PHF19: variants seen among roughly 807,000 people sequenced by gnomAD.
The protein encoded by PHF19 is polycomb like 3.
PHF19 carries 21 observed loss-of-function variants against 79.8 expected under a neutral mutation model. The ratio of observed to expected loss-of-function variants is 0.26; its 90% confidence interval spans 0.19 to 0.38. The LOEUF (loss-of-function observed/expected upper bound fraction) is 0.38, where lower values mean the gene tolerates loss of function less well. Ranked by LOEUF, PHF19 falls within the 10% of genes least tolerant of loss-of-function variation. PHF19 has a pLI of 1.00. For synonymous variants in PHF19, 273 were observed against 296.3 expected, an observed-to-expected ratio of 0.92 and a Z score of 0.81; for missense variants, 445 against 744.2, an observed-to-expected ratio of 0.60 and a Z score of 4.68.
At chr9:120,873,642 G>A (rs138205788) in intron 3 of PHF19, among the ~76,000 whole-genome samples, 5 of 152,326 alleles carry the variant, frequency 3.3e-5, no homozygotes, top group South Asian at 2.1e-4. Flanking sequence ...CCAGACTGAC[G>A]CAGAGCTTTG....
chr9:120,861,251 C>A lies in PHF19; in HGVS notation c.1219-77G>T. On this transcript the variant is annotated intron_variant, in intron 12 of 14. Coordinates refer to ENST00000373896, the MANE Select transcript of PHF19 (RefSeq NM_015651.3). ...ACCTCCCACACAGGCTGCCTCCTAT[C>A]CAGCCAGGGCCGCTGAGGGCTGGGC... 3.5e-6 allele frequency: 3 copies of A among 851,218 alleles called. No individual in the cohort carries two copies. In the South Asian group the frequency reaches 4.0e-5, roughly 11 times the overall value. The allele number at this position is 851,218 out of a possible 1,614,324, so 52.7% of individuals were successfully genotyped here.
rs770084153 is a variant in PHF19, at chr9:120,865,998, C to T, written c.779+30G>A. ...GGAGGGGAGAAGCTGGGAGGAGCAG[C>T]GGTGGTTGGACTAAGCCCCACCCTC... On this transcript the variant is annotated intron_variant, in intron 8 of 14. Transcript: ENST00000373896. The T allele has an allele frequency of 1.4e-5, 23 of 1,589,370 alleles. 1 individual carries two copies. Among genetic ancestry groups the T allele is most frequent in the Admixed American group, 8.3e-5 (5 of 59,950 alleles).
Position 120,866,909 on chromosome 9 carries a change from C to T in PHF19, c.671G>A (p.Cys224Tyr). The T allele has an allele frequency of 6.2e-7, 1 of 1,612,178 alleles. No homozygotes were observed. The highest frequency in any genetic ancestry group is 8.5e-7 in the Non-Finnish European group (1 of 1,178,178). Residue 224 changes from cysteine (C) to tyrosine (Y), a missense_variant, in exon 7 of 15, where the codon TGC (cysteine) becomes TAC (tyrosine). Cys to Tyr is a radical substitution (Grantham distance 194, BLOSUM62 -2). Coordinates refer to ENST00000373896, the MANE Select transcript of PHF19 (RefSeq NM_015651.3). This position sits in a 1 kb window ranked among gnomAD's most constrained non-coding sequence, Gnocchi z 5.2. ...CATGGGCTCATTGAGGCACTGGGTGCAGGCCTCGTGGAACCACTGCCTGCA... is the reference window on the plus strand; with the variant it reads ...CATGGGCTCATTGAGGCACTGGGTGTAGGCCTCGTGGAACCACTGCCTGCA... ...YRCRQWFHEA[C>Y]TQCLNEPMMF...
Position 120,874,088 on chromosome 9 carries a change from G to A in PHF19, c.187-28C>T, listed in dbSNP as rs2045979115. ...GGGGTACAGATAGGAAGGAGCAAGT[G>A]AGAAAGGGCTGGGGAAAAGCCAACC... On this transcript the variant is annotated intron_variant, in intron 2 of 14. Coordinates refer to ENST00000373896, the MANE Select transcript of PHF19 (RefSeq NM_015651.3). The surrounding 1 kb of genome is among the most constrained non-coding windows in gnomAD (Gnocchi z 4.5). 3.0e-6 allele frequency: 4 copies of A among 1,339,662 alleles called. No homozygotes were observed. The highest frequency in any genetic ancestry group is 4.3e-6 in the Non-Finnish European group (4 of 939,010). 83.0% of individuals were successfully genotyped at this position (1,339,662 alleles called of 1,614,324 possible).
At chr9:120,895,432 A>G (rs1219376467), upstream of PHF19, among the ~76,000 whole-genome samples, 3 of 151,976 alleles carry the variant, frequency 2.0e-5, no homozygotes, top group African/African-American at 7.3e-5. Flanking sequence ...AAAATAAAAA[A>G]TATGCCAGGG....
upstream of PHF19, among the ~76,000 whole-genome samples, chr9:120,897,331 CAG>C (rs1428197072): frequency 6.6e-6 from 1 of 152,172 alleles, no homozygotes; most frequent in Non-Finnish European, 1.5e-5. Context: ...AGATGGGAGT[CAG>C]GGAGGAAGTG....
intron 1 of PHF19, among the ~76,000 whole-genome samples, chr9:120,890,224 T>C (rs997767081): frequency 1.3e-5 from 2 of 151,510 alleles, no homozygotes; most frequent in African/African-American, 2.4e-5. Context: ...GCAGATGCTG[T>C]TGGACCCTGA....
chr9:120,876,922 G>T, intron 1 of PHF19, 169 bp downstream of exon 1: 1 of 957,986 alleles, frequency 1.0e-6, no homozygotes, highest in Non-Finnish European at 1.2e-6. Flanking sequence ...CCTCTGCCCC[G>T]CAGGTAACCT....
chr9:120,865,105 A>G (rs2045659999), intron 9 of PHF19, among the ~76,000 whole-genome samples: 1 of 152,256 alleles, frequency 6.6e-6, no homozygotes, highest in Admixed American at 6.5e-5. Context: ...TTCTTTTTAA[A>G]TTCCTTTTCA....
upstream of PHF19, among the ~76,000 whole-genome samples, chr9:120,881,036 T>G (rs1176440254): frequency 6.6e-6 from 1 of 151,940 alleles, no homozygotes. Context: ...TACAGTCAGC[T>G]AGTAAAAGTA....
chr9:120,878,908 G>A (rs2046135590), upstream of PHF19, among the ~76,000 whole-genome samples: 1 of 152,206 alleles, frequency 6.6e-6, no homozygotes, highest in African/African-American at 2.4e-5. Context: ...GGCTGATGAT[G>A]GGAGCAGAAC....
In PHF19 at chr9:120,856,619, G is replaced by T; in HGVS notation, c.*1325C>A. ...CCAATTTTGGTTTCCCTCCAGATGA[G>T]GCAGAATTTGAATGTTGGTTCCAAA... On this transcript the variant is annotated 3_prime_UTR_variant, in exon 15 of 15. Coordinates refer to ENST00000373896, the MANE Select transcript of PHF19 (RefSeq NM_015651.3). 1 of 152,512 alleles carries T rather than the reference G, an allele frequency of 6.6e-6. No individual in the cohort carries two copies. 9.4% of individuals were successfully genotyped at this position (152,512 alleles called of 1,614,324 possible). A position where few individuals can be genotyped will look rare whatever the true frequency, so the allele number is the denominator to read the frequency against.
intron 1 of PHF19, among the ~76,000 whole-genome samples, chr9:120,892,691 C>T (rs757490682): frequency 6.6e-6 from 1 of 152,058 alleles, no homozygotes; most frequent in Non-Finnish European, 1.5e-5. Context: ...TTCTGTTTTT[C>T]GTTTGATGCT....
upstream of PHF19, among the ~76,000 whole-genome samples, chr9:120,878,839 C>A (rs2046133895): frequency 1.3e-5 from 2 of 152,144 alleles, no homozygotes; most frequent in African/African-American, 4.8e-5. Context: ...CCAAAGGGGC[C>A]CTAGGATTGT....
intron 1 of PHF19, among the ~76,000 whole-genome samples, chr9:120,882,384 A>G (rs2046199189): frequency 6.6e-6 from 1 of 152,080 alleles, no homozygotes; most frequent in Non-Finnish European, 1.5e-5. Flanking sequence ...GGAAGAAAAT[A>G]AAAGTAACTT....
upstream of PHF19, among the ~76,000 whole-genome samples, chr9:120,895,723 G>A (rs141550934): frequency 3.5e-4 from 54 of 152,178 alleles, no homozygotes; most frequent in African/African-American, 1.2e-3. Context: ...TGCTATCTTG[G>A]CTCACTGCAG....
At chr9:120,882,410 A>C (rs2046199467) in intron 1 of PHF19, among the ~76,000 whole-genome samples, 1 of 139,532 alleles carries the variant, frequency 7.2e-6, no homozygotes, top group Non-Finnish European at 1.6e-5. Context: ...TTTCACTGTT[A>C]CTTTTAAAAT....
At position 120,891,403 on chromosome 9, in the gene PHF19, G is replaced by A. The variant is rs1223297447; in HGVS notation, c.42+3385C>T. Among the ~76,000 whole-genome samples, 2 of 152,140 alleles carry A rather than the reference G, an allele frequency of 1.3e-5. No individual in the cohort carries two copies. Among genetic ancestry groups the A allele is most frequent in the Non-Finnish European group, 2.9e-5 (2 of 68,030 alleles). ...TAAGCCCGCACACCTGCCGTACTTT[G>A]GGATCACCCCGGGAACCTTAACATG... is the stretch of plus-strand genomic sequence containing the variant. On this transcript the variant is annotated intron_variant, in intron 1 of 14. Coordinates refer to the PHF19 transcript ENST00000616568. This position sits in a 1 kb window ranked among gnomAD's most constrained non-coding sequence, Gnocchi z 4.3.
At chr9:120,887,679 T>C (rs1169553065) in intron 1 of PHF19, among the ~76,000 whole-genome samples, 1 of 148,322 alleles carries the variant, frequency 6.7e-6, no homozygotes, top group African/African-American at 2.5e-5. Context: ...CACACACAGA[T>C]GGTCCCTGAA....
Sources: allele counts gnomAD v4.1 joint callset (sites outside exome capture counted in the v4.1 genomes callset), GRCh38; gene constraint gnomAD v4.1.1; non-coding constraint Gnocchi (gnomAD v3.1); transcripts MANE v1.5; gene names NCBI Gene and HGNC (gene_info 2026-07-23, HGNC 2026-07-21).